ADCY9: variants seen among roughly 807,000 people sequenced by gnomAD.
ADCY9 encodes the protein adenylate cyclase type 9.
A neutral mutation model predicts 101.5 loss-of-function variants in ADCY9; 50 were observed. The ratio of observed to expected loss-of-function variants is 0.49; its 90% CI spans 0.39 to 0.62. ADCY9 has a LOEUF of 0.62. Among genes scored for constraint, ADCY9 ranks in the 20% least tolerant of loss-of-function variants. The probability of loss-of-function intolerance (pLI) is 0.00; values close to 1 mark genes in which losing one functional copy is unlikely to be tolerated. For synonymous variants in ADCY9, 905 were observed against 769.3 expected, an observed-to-expected ratio of 1.18 and a Z score of -2.92; for missense variants, 1,662 against 1,800.4, an observed-to-expected ratio of 0.92 and a Z score of 1.39.
intron 2 of ADCY9, among the ~76,000 whole-genome samples, chr16:4,081,792 G>C (rs894058999): frequency 6.7e-6 from 1 of 148,302 alleles, no homozygotes; most frequent in Non-Finnish European, 1.5e-5. Context: ...GTCTGCAGGG[G>C]CGTGTGGGTA....
chr16:4,093,568 C>A (rs929958031), intron 2 of ADCY9, among the ~76,000 whole-genome samples: 2 of 151,758 alleles, frequency 1.3e-5, no homozygotes, highest in African/African-American at 4.8e-5. Flanking sequence ...TTTGTCTCTA[C>A]ATAAAAAAAG....
At chr16:3,996,400 C>A (rs1414039157) in intron 3 of ADCY9, among the ~76,000 whole-genome samples, 1 of 152,150 alleles carries the variant, frequency 6.6e-6, no homozygotes, top group Non-Finnish European at 1.5e-5. Flanking sequence ...ATATATTTGC[C>A]AATGAGACCA....
chr16:3,978,994 C>A (rs530304118), intron 8 of ADCY9, 122 bp downstream of exon 8: 20 of 1,280,658 alleles, frequency 1.6e-5, no homozygotes, highest in Non-Finnish European at 2.1e-5. Context: ...GGATTACAGG[C>A]GTGAGCCACC....
In ADCY9 at chr16:3,963,501, T is replaced by C. The variant is rs2055958220; in HGVS notation, c.*2274A>G. 2 of 390,176 alleles carry C rather than the reference T, an allele frequency of 5.1e-6. No individual in the cohort carries two copies. The highest frequency in any genetic ancestry group is 2.8e-4 in the South Asian group (2 of 7,156). The allele number at this position is 390,176 out of a possible 1,614,324, so 24.2% of individuals were successfully genotyped here. On this transcript the variant is annotated 3_prime_UTR_variant, in exon 11 of 11. Coordinates refer to ENST00000294016, the MANE Select transcript of ADCY9 (RefSeq NM_001116.4). ...GGCTGTTTAGGAAGGCTCAGGGTGT[T>C]TGAAAGACAACGTTAAGCTCTGGGT...
At chr16:3,958,069 G>T (rs1287785009), downstream of ADCY9, among the ~76,000 whole-genome samples, 1 of 152,128 alleles carries the variant, frequency 6.6e-6, no homozygotes, top group Non-Finnish European at 1.5e-5. Context: ...GGGGGGGATT[G>T]GCAGAGACGT....
intron 10 of ADCY9, among the ~76,000 whole-genome samples, chr16:3,973,518 A>T (rs1223854183): frequency 2.0e-5 from 3 of 149,286 alleles, no homozygotes; most frequent in African/African-American, 7.4e-5. Flanking sequence ...TTTTTTTCTG[A>T]GACAGAGTCT....
chr16:4,027,905 T>C (rs566300221), intron 2 of ADCY9, among the ~76,000 whole-genome samples: 42 of 150,524 alleles, frequency 2.8e-4, no homozygotes, highest in South Asian at 1.1e-3. Context: ...AAAAAACCCA[T>C]CAGATCTCGT....
At chr16:4,095,253 A>G (rs1413898068) in intron 2 of ADCY9, among the ~76,000 whole-genome samples, 1 of 152,156 alleles carries the variant, frequency 6.6e-6, no homozygotes, top group Non-Finnish European at 1.5e-5. Context: ...CACATGCCTC[A>G]GCCTCCCAAA....
At chr16:4,102,595 T>C (rs1426062321) in intron 2 of ADCY9, among the ~76,000 whole-genome samples, 4 of 151,416 alleles carry the variant, frequency 2.6e-5, no homozygotes, top group South Asian at 4.2e-4. Context: ...CTGGCTAATT[T>C]TGTGTTTTTA....
At chr16:4,052,205 G>T (rs2141150270) in intron 2 of ADCY9, among the ~76,000 whole-genome samples, 1 of 152,306 alleles carries the variant, frequency 6.6e-6, no homozygotes, top group South Asian at 2.1e-4. Flanking sequence ...TCAAGGTCGT[G>T]AAAGACAGAG....
chr16:4,099,616 T>C (rs1044786260), intron 2 of ADCY9, among the ~76,000 whole-genome samples: 12 of 152,184 alleles, frequency 7.9e-5, no homozygotes, highest in African/African-American at 2.7e-4. Context: ...AGCAGCCAAC[T>C]TAAAGGGGCT....
At chr16:4,081,438 A>G (rs763634667) in intron 2 of ADCY9, among the ~76,000 whole-genome samples, 2 of 152,248 alleles carry the variant, frequency 1.3e-5, no homozygotes, top group Non-Finnish European at 2.9e-5. Flanking sequence ...AGAGCTCCAG[A>G]TGTAAGTTTA....
intron 2 of ADCY9, among the ~76,000 whole-genome samples, chr16:4,046,822 G>A (rs2056668120): frequency 1.3e-5 from 2 of 151,636 alleles, no homozygotes; most frequent in African/African-American, 4.9e-5. Flanking sequence ...GTGAGACCCC[G>A]TCTCAACAAA....
In ADCY9 at chr16:3,966,541, G is replaced by A. The variant is rs1397079174; in HGVS notation, c.3296C>T (p.Pro1099Leu). The A allele has an allele frequency of 6.8e-6, 11 of 1,614,032 alleles. No individual in the cohort carries two copies. Among genetic ancestry groups the A allele is most frequent in the Admixed American group, 1.7e-5 (1 of 59,986 alleles). Residue 1099 changes from proline to leucine, a missense_variant, in exon 11 of 11, where the codon CCG becomes CTG. This residue lies in a region of ADCY9 where 220 missense variants were observed against 312.9 expected (regional missense o/e 0.70). Transcript: ENST00000294016. ...GATCTTCTCGATGCTGCTGTAGTCC[G>A]GCTTGCTTAGGAGCTCGTCAAAGTC... Reference protein sequence around the residue: ...IGDFDELLSKPDYSSIEKIKT... With the variant: ...IGDFDELLSKLDYSSIEKIKT...
chr16:4,115,669 C>T lies in ADCY9; in HGVS notation c.-44+21G>A, dbSNP rs1233970453. 1 of 578,284 alleles carries T rather than the reference C, an allele frequency of 1.7e-6. No individual in the cohort carries two copies. Among genetic ancestry groups the T allele is most frequent in the Admixed American group, 3.2e-5 (1 of 30,876 alleles). The allele number at this position is 578,284 out of a possible 1,614,324, so 35.8% of individuals were successfully genotyped here. ...CCACCGCCCCCACCTTCGAGGCGCA[C>T]GAGAACCGCTCGGGACGGACCTAGA... On this transcript the variant is annotated intron_variant, in intron 1 of 10. Coordinates refer to ENST00000294016, the MANE Select transcript of ADCY9 (RefSeq NM_001116.4). This position sits in a 1 kb window ranked among gnomAD's most constrained non-coding sequence, Gnocchi z 6.2.
rs748103177 is a variant in ADCY9, at chr16:4,114,310, G to C, written c.1133C>G (p.Ala378Gly). The C allele has an allele frequency of 2.4e-5, 39 of 1,613,968 alleles. No individual in the cohort carries two copies. The Admixed American group carries it at 5.8e-4, about 24-fold the overall frequency. The change falls in exon 2 of 11, where the codon GCT becomes GGT. Residue 378 changes from alanine (A) to glycine (G), a missense_variant. Around this residue, in one of 5 missense-constraint regions of ADCY9, gnomAD observed 228 missense variants for 301.1 expected, o/e 0.76. Transcript: ENST00000294016. The surrounding 1 kb of genome is among the most constrained non-coding windows in gnomAD (Gnocchi z 4.3). ...NRKKKSSIQK[A>G]PIAFRPFKMQ... ...CTTAAAAGGGCGGAAGGCTATAGGA[G>C]CTTTTTGGATGGAAGACTTTTTCTT...
rs755030268 is a variant in ADCY9 at position 4,114,156 on chromosome 16, C to T, written c.1287G>A (p.Leu429=). ...TTTTCTCACACTTGGTCTCCTCACACAGGCGGTCGAAGCGACCGAACAGAT... is the reference window on the plus strand; with the variant it reads ...TTTTCTCACACTTGGTCTCCTCACATAGGCGGTCGAAGCGACCGAACAGAT... ...LNDLFGRFDR[L]CEETKCEKIS... is the part of the protein sequence containing the mutation. The change falls in exon 2 of 11, where the codon CTG becomes CTA. Residue 429 remains leucine, a synonymous_variant. Transcript: ENST00000294016. This position sits in a 1 kb window ranked among gnomAD's most constrained non-coding sequence, Gnocchi z 4.3. The T allele has an allele frequency of 5.0e-6, 8 of 1,613,808 alleles. No homozygotes were observed. The highest frequency in any genetic ancestry group is 5.9e-6 in the Non-Finnish European group (7 of 1,180,052).
intron 2 of ADCY9, among the ~76,000 whole-genome samples, chr16:4,100,035 T>C (rs1440312429): frequency 6.6e-6 from 1 of 152,094 alleles, no homozygotes; most frequent in South Asian, 2.1e-4. Flanking sequence ...GTAATCCCCA[T>C]GTGTCGAGGG....
At chr16:4,103,534 G>T (rs1262102281) in intron 2 of ADCY9, among the ~76,000 whole-genome samples, 1 of 152,074 alleles carries the variant, frequency 6.6e-6, no homozygotes, top group East Asian at 1.9e-4. Context: ...CTTCACTTAA[G>T]AATGTCCCTG....
Sources: gnomAD v4.1 joint callset for allele counts (sites outside exome capture counted in the v4.1 genomes callset) on GRCh38, gnomAD v4.1.1 for gene constraint, gnomAD v4.1.1 regional missense constraint, Gnocchi (gnomAD v3.1) non-coding constraint, MANE v1.5 for transcripts, NCBI Gene and HGNC (gene_info 2026-07-23, HGNC 2026-07-21) for gene names.